Variants in SLC8A3 observed in about 807,000 individuals in gnomAD.
SLC8A3 encodes the protein solute carrier family 8 member A3.
A neutral mutation model predicts 65.4 loss-of-function variants in SLC8A3; 37 were observed. That is an observed-to-expected ratio of 0.57 (90% CI 0.44 to 0.74). The LOEUF (loss-of-function observed/expected upper bound fraction) is 0.74, where lower values mean the gene tolerates loss of function less well. Among genes scored for constraint, SLC8A3 ranks in the 30% least tolerant of loss-of-function variants. SLC8A3 has a pLI of 0.00. For missense variants in SLC8A3, 1,112 were observed against 1,172.1 expected (o/e 0.95, Z 0.75); for synonymous variants, 461 against 444.5 (o/e 1.04, Z -0.47).
At chr14:70,091,341 G>C (rs1317512229) in intron 2 of SLC8A3, among the ~76,000 whole-genome samples, 1 of 151,998 alleles carries the variant, frequency 6.6e-6, no homozygotes, top group African/African-American at 2.4e-5. Context: ...AAACAAACTC[G>C]GCTTTTAGCA....
Position 70,168,368 on chromosome 14 carries a change from C to G in SLC8A3, c.55G>C (p.Val19Leu), listed in dbSNP as rs764058102. 6 of 1,614,146 alleles carry G rather than the reference C, an allele frequency of 3.7e-6. No individual in the cohort carries two copies. The highest frequency in any genetic ancestry group is 5.1e-6 in the Non-Finnish European group (6 of 1,180,020). ...CCATTCAGGAAGAGCACAAAGGTAA[C>G]CAGCCCAAAATGGAGGAAGGCAGAG... ...LTSAFLHFGL[V>L]TFVLFLNGLR... The change falls in exon 2 of 7, where the codon GTT becomes CTT. Residue 19 changes from valine (V) to leucine (L), a missense_variant. Physicochemically the swap from Val to Leu is conservative, Grantham distance 32. Transcript: ENST00000356921.
intron 5 of SLC8A3, among the ~76,000 whole-genome samples, chr14:70,050,270 G>A (rs1328829252): frequency 6.6e-6 from 1 of 152,164 alleles, no homozygotes; most frequent in African/African-American, 2.4e-5. Flanking sequence ...AGCAGCAGCA[G>A]CAGCAAACCT....
chr14:70,108,242 T>C (rs913340785), intron 2 of SLC8A3, among the ~76,000 whole-genome samples: 1 of 151,990 alleles, frequency 6.6e-6, no homozygotes, highest in Non-Finnish European at 1.5e-5. Flanking sequence ...ATTTGCAAAA[T>C]CCAACTGAAG....
At chr14:70,101,049 G>T (rs1406334261) in intron 2 of SLC8A3, among the ~76,000 whole-genome samples, 1 of 152,206 alleles carries the variant, frequency 6.6e-6, no homozygotes, top group Non-Finnish European at 1.5e-5. Flanking sequence ...CTAAAAGACA[G>T]AAGTCAATTC....
At chr14:70,159,688 C>A (rs1431584418) in intron 2 of SLC8A3, among the ~76,000 whole-genome samples, 3 of 152,180 alleles carry the variant, frequency 2.0e-5, no homozygotes, top group East Asian at 3.8e-4. Context: ...GCCTTAAGAC[C>A]CAGAAGAGTC....
In SLC8A3 at chr14:70,082,816, C is replaced by A. The variant is rs556421741; in HGVS notation, c.1785-21877G>T. ...AAGGAATTATGGGCACAGAGGGAGG[C>A]AAGAATGGATAGCCCAAATTCACCA... On this transcript the variant is annotated intron_variant, in intron 2 of 6. Transcript: ENST00000356921. Among the ~76,000 whole-genome samples, 64 of 152,294 alleles carry A rather than the reference C, an allele frequency of 4.2e-4. 2 individuals carry two copies. The Middle Eastern group carries it at 0.027, about 65-fold the overall frequency.
At chr14:70,169,693 G>GGT (rs1363146355) in intron 1 of SLC8A3, among the ~76,000 whole-genome samples, 1 of 31,450 alleles carries the variant, frequency 3.2e-5, no homozygotes, top group East Asian at 7.9e-4. Flanking sequence ...AAAAAAAGTG[G>GGT]GGGGGGGGGC....
intron 2 of SLC8A3, among the ~76,000 whole-genome samples, chr14:70,153,506 CAAG>C (rs1411750871): frequency 1.3e-5 from 2 of 152,256 alleles, no homozygotes; most frequent in Admixed American, 6.5e-5. Flanking sequence ...GACAAAAAAA[CAAG>C]AAGGGGGTGT....
At chr14:70,142,561 T>C (rs927506098) in intron 2 of SLC8A3, among the ~76,000 whole-genome samples, 34 of 152,206 alleles carry the variant, frequency 2.2e-4, no homozygotes, top group African/African-American at 8.0e-4. Context: ...AACCATAGAC[T>C]GGCTGATTTT....
In SLC8A3 at chr14:70,167,771, A is replaced by G. The variant is rs1379277639; in HGVS notation, c.652T>C (p.Tyr218His). Reference protein sequence around the residue: ...AWSIFAYIWLYMILAVFSPGV... With the variant: ...AWSIFAYIWLHMILAVFSPGV... The stretch of plus-strand genomic sequence containing the variant: ...GGGGAGAAGACTGCCAGAATCATAT[A>G]GAGCCAGATGTAGGCAAAGATACTC... Residue 218 changes from tyrosine to histidine, a missense_variant, in exon 2 of 7, where the codon TAT becomes CAT. Coordinates refer to ENST00000356921, the MANE Select transcript of SLC8A3 (RefSeq NM_182932.3). 6.2e-7 allele frequency: 1 copy of G among 1,614,214 alleles called. No individual in the cohort carries two copies. Among genetic ancestry groups the G allele is most frequent in the Non-Finnish European group, 8.5e-7 (1 of 1,180,038 alleles).
At chr14:70,055,725 C>A in intron 3 of SLC8A3, 1 of 1,310,194 alleles carries the variant, frequency 7.6e-7, no homozygotes, top group Admixed American at 2.2e-5. Context: ...AATCAAAGGA[C>A]ATTGGTCTTA....
chr14:70,150,194 T>G (rs1213348815), intron 2 of SLC8A3, among the ~76,000 whole-genome samples: 1 of 152,192 alleles, frequency 6.6e-6, no homozygotes, highest in African/African-American at 2.4e-5. Context: ...CTAGGCACTA[T>G]GCTAAACGTT....
intron 3 of SLC8A3, among the ~76,000 whole-genome samples, chr14:70,059,650 G>T (rs1212836458): frequency 2.0e-5 from 3 of 152,138 alleles, no homozygotes; most frequent in Non-Finnish European, 4.4e-5. Flanking sequence ...TCAGATGCAG[G>T]TCCTGAGGAA....
At chr14:70,140,963 C>T (rs1049550484) in intron 2 of SLC8A3, among the ~76,000 whole-genome samples, 25 of 152,352 alleles carry the variant, frequency 1.6e-4, no homozygotes, top group African/African-American at 5.1e-4. Context: ...TAGCCACACA[C>T]ACAGTAGAGA....
intron 2 of SLC8A3, among the ~76,000 whole-genome samples, chr14:70,079,330 C>CAAAAAAAAAAA (rs11464342): frequency 2.7e-3 from 221 of 80,432 alleles, no homozygotes; most frequent in Non-Finnish European, 3.0e-3. Flanking sequence ...CTAAAAAATA[C>CAAAAAAAAAAA]AAAAAAAAAA....
At position 70,106,047 on chromosome 14, in the gene SLC8A3, T is replaced by C. The variant is rs1249536412; in HGVS notation, c.1785-45108A>G. Among the ~76,000 whole-genome samples, 6 of 152,186 alleles carry C rather than the reference T, an allele frequency of 3.9e-5. No homozygotes were observed. The East Asian group carries it at 1.2e-3, about 29-fold the overall frequency. Reference sequence around the variant, plus strand: ...TGACAAAATTCAAACTCATTCATGGTTTAAAAAATTATTATGAAATAATAA... The same window carrying C: ...TGACAAAATTCAAACTCATTCATGGCTTAAAAAATTATTATGAAATAATAA... On this transcript the variant is annotated intron_variant, in intron 2 of 6. Transcript: ENST00000356921.
At chr14:70,155,015 G>C (rs1248475939) in intron 2 of SLC8A3, among the ~76,000 whole-genome samples, 1 of 150,896 alleles carries the variant, frequency 6.6e-6, no homozygotes, top group Non-Finnish European at 1.5e-5. Flanking sequence ...TGCCTCCCAG[G>C]TTCAAGCGAT....
rs533179898 is a variant in SLC8A3 at position 70,049,406 on chromosome 14, T to C, written c.2114-364A>G. 7.2e-5 allele frequency among the ~76,000 whole-genome samples: 11 copies of C among 152,234 alleles called. No homozygotes were observed. The South Asian group carries it at 1.9e-3, about 26-fold the overall frequency. On this transcript the variant is annotated intron_variant, in intron 5 of 6. Coordinates refer to ENST00000356921, the MANE Select transcript of SLC8A3 (RefSeq NM_182932.3). ...GAACAGAAAACCAAACACTGCATGT[T>C]CTCACTCATAAGTGGGAGTTGAACA...
At chr14:70,086,846 G>A (rs11850085) in intron 2 of SLC8A3, among the ~76,000 whole-genome samples, 53,571 of 151,988 alleles carry the variant, frequency 0.35, 9,579 homozygotes, top group East Asian at 0.43. Context: ...GACATGCCAA[G>A]CCTTCTGCTC....
Sources: allele counts gnomAD v4.1 joint callset (sites outside exome capture counted in the v4.1 genomes callset), GRCh38; gene constraint gnomAD v4.1.1; transcripts MANE v1.5; gene names NCBI Gene and HGNC (gene_info 2026-07-23, HGNC 2026-07-21).